The following ERC1 variants were observed in gnomAD, a reference collection of about 807,000 sequenced individuals.
ERC1 encodes the protein ELKS/RAB6-interacting/CAST family member 1.
A neutral mutation model predicts 132.0 loss-of-function variants in ERC1; 56 were observed. That is an observed-to-expected ratio of 0.42 (90% CI 0.34 to 0.53). The LOEUF is 0.53. Among genes scored for constraint, ERC1 ranks in the 20% least tolerant of loss-of-function variants. The pLI is 0.03. For missense variants in ERC1, 1,202 were observed against 1,349.9 expected (o/e 0.89, Z 1.72); for synonymous variants, 478 against 476.1 (o/e 1.00, Z -0.05).
rs1233557174 is a variant in ERC1, at chr12:1,141,627, C to T, written c.1577C>T (p.Ala526Val). Residue 526 changes from alanine to valine, a missense_variant, in exon 8 of 19, where the codon GCT becomes GTT. By Grantham distance (64) the Ala-to-Val change is moderately conservative (BLOSUM62 0). Transcript: ENST00000360905. Reference sequence around the variant, plus strand: ...AAACTCCTACATTCTTAGGTGGATGCTCTCCGATTGCGTTTGGAAGAGAAG... The same window carrying T: ...AAACTCCTACATTCTTAGGTGGATGTTCTCCGATTGCGTTTGGAAGAGAAG... ...RAAILQTEVDALRLRLEEKET... is the reference protein window; with the variant it reads ...RAAILQTEVDVLRLRLEEKET... 1 of 1,607,050 alleles carries T rather than the reference C, an allele frequency of 6.2e-7. No homozygotes were observed.
chr12:1,317,483 T>C (rs1030652830), intron 15 of ERC1, among the ~76,000 whole-genome samples: 3 of 152,138 alleles, frequency 2.0e-5, no homozygotes, highest in Non-Finnish European at 4.4e-5. Flanking sequence ...CAAACCACCA[T>C]GGCACATGTA....
intron 17 of ERC1, among the ~76,000 whole-genome samples, chr12:1,438,368 G>T (rs1390617467): frequency 6.6e-6 from 1 of 152,182 alleles, no homozygotes; most frequent in Non-Finnish European, 1.5e-5. Flanking sequence ...TAATATTTAT[G>T]GAAAGTTAAT....
At chr12:1,383,890 A>C (rs2089007985) in intron 16 of ERC1, among the ~76,000 whole-genome samples, 1 of 152,148 alleles carries the variant, frequency 6.6e-6, no homozygotes, top group Non-Finnish European at 1.5e-5. Context: ...TTTAATCATC[A>C]CTACAGCCCT....
chr12:1,460,650 G>A (rs570613370), intron 18 of ERC1, among the ~76,000 whole-genome samples: 9 of 152,166 alleles, frequency 5.9e-5, no homozygotes, highest in African/African-American at 1.2e-4. Context: ...CTGGAGAGAA[G>A]CTACTCAGTT....
intron 12 of ERC1, among the ~76,000 whole-genome samples, chr12:1,203,723 T>C (rs1326340367): frequency 6.6e-6 from 1 of 152,210 alleles, no homozygotes; most frequent in Non-Finnish European, 1.5e-5. Flanking sequence ...GATTACTTTT[T>C]GAAAAGAGAA....
At chr12:1,141,831 A>G (rs773756839) in intron 8 of ERC1, 44 bp downstream of exon 8, 9 of 1,396,436 alleles carry the variant, frequency 6.4e-6, no homozygotes, top group Admixed American at 4.7e-5. Flanking sequence ...TTCCTCATAC[A>G]TCTTCACTCC....
At chr12:1,098,138 A>G (rs1158983919) in intron 3 of ERC1, among the ~76,000 whole-genome samples, 1 of 152,180 alleles carries the variant, frequency 6.6e-6, no homozygotes, top group African/African-American at 2.4e-5. Context: ...CCCATACTAG[A>G]CATATCTGGG....
At chr12:1,274,098 A>G (rs1296319660) in intron 14 of ERC1, among the ~76,000 whole-genome samples, 1 of 152,204 alleles carries the variant, frequency 6.6e-6, no homozygotes, top group Non-Finnish European at 1.5e-5. Flanking sequence ...GACGTGAGTG[A>G]TGGAATTAGT....
chr12:1,382,296 G>A (rs74057196), intron 16 of ERC1, among the ~76,000 whole-genome samples: 2,718 of 152,304 alleles, frequency 0.018, 88 homozygotes, highest in African/African-American at 0.063. Context: ...AAAGGAGTGA[G>A]TGGTTTAAAG....
chr12:1,133,660 G>A (rs962207462), intron 7 of ERC1, among the ~76,000 whole-genome samples: 1 of 152,118 alleles, frequency 6.6e-6, no homozygotes, highest in Non-Finnish European at 1.5e-5. Context: ...GCATGGCGGA[G>A]TGTTGTGATT....
At chr12:1,013,517 G>A (rs538505275) in intron 1 of ERC1, among the ~76,000 whole-genome samples, 20 of 152,112 alleles carry the variant, frequency 1.3e-4, no homozygotes, top group Admixed American at 7.9e-4. Flanking sequence ...TCCAAGCAGA[G>A]GTGGCCTTTC....
At chr12:1,361,499 A>T (rs112200047) in intron 15 of ERC1, among the ~76,000 whole-genome samples, 281 of 152,344 alleles carry the variant, frequency 1.8e-3, no homozygotes, top group African/African-American at 6.2e-3. Context: ...ATTTGATTAA[A>T]TGAGTTTTGG....
At chr12:1,134,465 G>GC (rs1325541867) in intron 7 of ERC1, among the ~76,000 whole-genome samples, 1 of 151,612 alleles carries the variant, frequency 6.6e-6, no homozygotes, top group Non-Finnish European at 1.5e-5. Flanking sequence ...TCCTGCTTCA[G>GC]CCCCCTGAGT....
intron 14 of ERC1, among the ~76,000 whole-genome samples, chr12:1,280,989 T>A (rs1203804354): frequency 6.6e-6 from 1 of 152,082 alleles, no homozygotes; most frequent in Non-Finnish European, 1.5e-5. Flanking sequence ...AATGTCAACT[T>A]TATTTATTTC....
At chr12:1,266,244 A>C (rs528316419) in intron 14 of ERC1, among the ~76,000 whole-genome samples, 1 of 152,068 alleles carries the variant, frequency 6.6e-6, no homozygotes, top group Non-Finnish European at 1.5e-5. Flanking sequence ...CTGTTGCGTG[A>C]AATATTGCAT....
At chr12:1,213,213 T>C (rs1156384809) in intron 12 of ERC1, among the ~76,000 whole-genome samples, 1 of 152,214 alleles carries the variant, frequency 6.6e-6, no homozygotes, top group Non-Finnish European at 1.5e-5. Flanking sequence ...CCATTTTGAC[T>C]ATTCACATAA....
Position 1,372,872 on chromosome 12 carries a change from A to G in ERC1, c.2925+895A>G, listed in dbSNP as rs567005397. The stretch of plus-strand genomic sequence containing the variant: ...TTCTATTTTTGGAGGTCAGTCATCA[A>G]TTGATGGTATTTTGGCATAATGTTT... On this transcript the variant is annotated intron_variant, in intron 16 of 18. Transcript: ENST00000360905. Among the ~76,000 whole-genome samples the G allele has an allele frequency of 7.9e-5, 12 of 152,350 alleles. No individual in the cohort carries two copies. The East Asian group carries it at 2.1e-3, about 27-fold the overall frequency.
At chr12:1,180,205 CTCTA>C (rs1209435875) in intron 8 of ERC1, among the ~76,000 whole-genome samples, 1 of 152,050 alleles carries the variant, frequency 6.6e-6, no homozygotes, top group Non-Finnish European at 1.5e-5. Context: ...ACATGGCCAT[CTCTA>C]TACTGGATCT....
intron 15 of ERC1, among the ~76,000 whole-genome samples, chr12:1,291,214 C>T (rs942136037): frequency 1.3e-5 from 2 of 152,084 alleles, no homozygotes; most frequent in Non-Finnish European, 2.9e-5. Context: ...TGCAAGGCTA[C>T]GAGATTCTGT....
Sources: gnomAD v4.1 joint callset for allele counts (sites outside exome capture counted in the v4.1 genomes callset) on GRCh38, gnomAD v4.1.1 for gene constraint, MANE v1.5 for transcripts, NCBI Gene and HGNC (gene_info 2026-07-23, HGNC 2026-07-21) for gene names.